Variants in MAN2A1 observed in about 807,000 individuals in gnomAD.
The protein encoded by MAN2A1 is mannosidase alpha class 2A member 1.
Under a neutral mutation model 142.6 loss-of-function variants are expected in MAN2A1, and 76 were observed. The ratio of observed to expected loss-of-function variants is 0.53; its 90% CI spans 0.44 to 0.65. MAN2A1 has a LOEUF of 0.65. Among genes scored for constraint, MAN2A1 ranks in the 30% least tolerant of loss-of-function variants. MAN2A1 has a pLI of 0.00. For missense variants in MAN2A1, 1,311 were observed against 1,365.1 expected, an observed-to-expected ratio of 0.96 and a Z score of 0.62; for synonymous variants, 559 against 473.2, an observed-to-expected ratio of 1.18 and a Z score of -2.35.
At chr5:109,759,906 G>T (rs1399462954) in intron 5 of MAN2A1, among the ~76,000 whole-genome samples, 1 of 151,726 alleles carries the variant, frequency 6.6e-6, no homozygotes, top group Non-Finnish European at 1.5e-5. Context: ...CTATTTTCAA[G>T]TTTCTAAGTC....
chr5:109,773,358 A>G (rs765541727), intron 7 of MAN2A1, among the ~76,000 whole-genome samples: 1 of 152,102 alleles, frequency 6.6e-6, no homozygotes, highest in South Asian at 2.1e-4. Flanking sequence ...AAGATACTCT[A>G]TATCTAATAG....
intron 16 of MAN2A1, among the ~76,000 whole-genome samples, chr5:109,841,725 A>T (rs1012257458): frequency 6.6e-6 from 1 of 152,216 alleles, no homozygotes; most frequent in African/African-American, 2.4e-5. Context: ...GTCCTAAGAG[A>T]TAACTAAACT....
chr5:109,763,111 C>G (rs1582872468), intron 5 of MAN2A1, among the ~76,000 whole-genome samples: 1 of 152,144 alleles, frequency 6.6e-6, no homozygotes, highest in African/African-American at 2.4e-5. Context: ...TTCAAATCTC[C>G]TGGTTTTTGT....
chr5:109,838,394 C>T (rs1755113434), intron 16 of MAN2A1, among the ~76,000 whole-genome samples: 1 of 152,146 alleles, frequency 6.6e-6, no homozygotes, highest in African/African-American at 2.4e-5. Flanking sequence ...TTAGAAAGCC[C>T]TGGCCATTCA....
chr5:109,771,014 C>T (rs1396154730), intron 7 of MAN2A1, among the ~76,000 whole-genome samples: 1 of 152,146 alleles, frequency 6.6e-6, no homozygotes, highest in Non-Finnish European at 1.5e-5. Context: ...GGTGTATACA[C>T]ATCTTTGCAT....
chr5:109,841,938 AGT>A (rs1249435668), intron 16 of MAN2A1, among the ~76,000 whole-genome samples: 1 of 152,186 alleles, frequency 6.6e-6, no homozygotes, highest in African/African-American at 2.4e-5. Flanking sequence ...ATGGTGAAAA[AGT>A]GGGCTAGAAT....
chr5:109,764,476 TAA>T (rs1193219163), intron 5 of MAN2A1, among the ~76,000 whole-genome samples: 1 of 152,194 alleles, frequency 6.6e-6, no homozygotes, highest in Non-Finnish European at 1.5e-5. Context: ...TACTTTTTCC[TAA>T]GTTTGCCCCT....
rs370085257 is a variant in MAN2A1, at chr5:109,788,945, C to T, written c.1772C>T (p.Ser591Leu). The T allele has an allele frequency of 5.8e-6, 9 of 1,543,902 alleles. No homozygotes were observed. Among genetic ancestry groups the T allele is most frequent in the East Asian group, 4.5e-5 (2 of 44,214 alleles). The stretch of plus-strand genomic sequence containing the variant: ...TTTTTGATTTACAGACTTTTTCATT[C>T]GTTAATGGTTTTGGAGAAGATAATT... ...VVDYGTRLFH[S>L]LMVLEKIIGN... Residue 591 changes from serine to leucine, a missense_variant, in exon 11 of 22, where the codon TCG (serine) becomes TTG (leucine). Physicochemically the swap from Ser to Leu is moderately radical, Grantham distance 145. Around this residue, in one of 3 missense-constraint regions of MAN2A1, gnomAD observed 890 missense variants for 920.5 expected, o/e 0.97. Coordinates refer to ENST00000261483, the MANE Select transcript of MAN2A1 (RefSeq NM_002372.4).
At chr5:109,797,766 T>C (rs1213421114) in intron 12 of MAN2A1, among the ~76,000 whole-genome samples, 1 of 151,898 alleles carries the variant, frequency 6.6e-6, no homozygotes, top group Admixed American at 6.6e-5. Context: ...TTAGTTCAAC[T>C]AAAAGGAAAA....
chr5:109,702,344 TG>T (rs1185369958), intron 1 of MAN2A1, among the ~76,000 whole-genome samples: 1 of 151,758 alleles, frequency 6.6e-6, no homozygotes, highest in African/African-American at 2.4e-5. Flanking sequence ...TGTGTGTGTG[TG>T]TGTGTGTCTG....
chr5:109,804,465 CAGGT>C, intron 12 of MAN2A1, among the ~76,000 whole-genome samples: 1 of 152,048 alleles, frequency 6.6e-6, no homozygotes, highest in Admixed American at 6.6e-5. Flanking sequence ...CAAAATATTA[CAGGT>C]AGTTGGTTGG....
chr5:109,802,025 A>G (rs540729762), intron 12 of MAN2A1, among the ~76,000 whole-genome samples: 1 of 152,246 alleles, frequency 6.6e-6, no homozygotes, highest in Admixed American at 6.5e-5. Context: ...TCATACATTC[A>G]TTCATTCAGT....
At chr5:109,817,527 C>G in intron 13 of MAN2A1, 89 bp downstream of exon 13, 1 of 1,295,858 alleles carries the variant, frequency 7.7e-7, no homozygotes, top group Non-Finnish European at 1.1e-6. Flanking sequence ...CCCCATTTAG[C>G]CATCATGTTG....
chr5:109,830,643 A>G (rs115785958), intron 16 of MAN2A1, among the ~76,000 whole-genome samples: 3,926 of 152,288 alleles, frequency 0.026, 70 homozygotes, highest in Non-Finnish European at 0.039. Context: ...TTCCATAGCT[A>G]TATTCCATAT....
chr5:109,736,156 C>A (rs1161644319), intron 4 of MAN2A1, among the ~76,000 whole-genome samples: 1 of 151,970 alleles, frequency 6.6e-6, no homozygotes, highest in African/African-American at 2.4e-5. Context: ...GATTAATATA[C>A]CAGGATATGC....
At chr5:109,850,510 A>G (rs1755457015) in intron 19 of MAN2A1, among the ~76,000 whole-genome samples, 1 of 152,234 alleles carries the variant, frequency 6.6e-6, no homozygotes, top group African/African-American at 2.4e-5. Flanking sequence ...GTCAAGAGCC[A>G]TACCATTCTT....
intron 12 of MAN2A1, among the ~76,000 whole-genome samples, chr5:109,799,868 C>T (rs1215223964): frequency 6.7e-6 from 1 of 150,332 alleles, no homozygotes; most frequent in Non-Finnish European, 1.5e-5. Context: ...TGGGTGGATC[C>T]CCTGAGGTCA....
intron 16 of MAN2A1, 147 bp downstream of exon 16, chr5:109,823,984 A>G (rs890717745): frequency 2.0e-6 from 1 of 500,392 alleles, no homozygotes; most frequent in Non-Finnish European, 3.5e-6. Context: ...AAAATATGAA[A>G]CTTACCCTTT....
At chr5:109,799,898 G>A (rs1753970455) in intron 12 of MAN2A1, among the ~76,000 whole-genome samples, 2 of 152,042 alleles carry the variant, frequency 1.3e-5, no homozygotes. Context: ...GACCAGCCTG[G>A]CCAACATGGT....
Sources: allele counts gnomAD v4.1 joint callset (sites outside exome capture counted in the v4.1 genomes callset), GRCh38; gene constraint gnomAD v4.1.1; regional missense constraint gnomAD v4.1.1; transcripts MANE v1.5; gene names NCBI Gene and HGNC (gene_info 2026-07-23, HGNC 2026-07-21).